Variants in CACNA1A observed in about 807,000 individuals in gnomAD.
CACNA1A encodes voltage-dependent P/Q-type calcium channel subunit alpha-1A.
In CACNA1A, 57 loss-of-function variants were observed where a neutral mutation model predicts 262.4. The ratio of observed to expected loss-of-function variants is 0.22; its 90% confidence interval spans 0.18 to 0.27. CACNA1A has a LOEUF of 0.27. Ranked by LOEUF, CACNA1A falls within the 10% of genes least tolerant of loss-of-function variation. CACNA1A has a pLI of 1.00. For synonymous variants in CACNA1A, 1,431 were observed against 1,419.3 expected (o/e 1.01, Z -0.18); for missense variants, 2,526 against 3,562.8 (o/e 0.71, Z 7.41).
intron 1 of CACNA1A, among the ~76,000 whole-genome samples, chr19:13,479,215 T>C (rs1352080294): frequency 6.6e-6 from 1 of 152,060 alleles, no homozygotes; most frequent in Non-Finnish European, 1.5e-5. Context: ...CACCTTCCCT[T>C]GTGGAGATCA....
In CACNA1A at chr19:13,379,159, A is replaced by AT. The variant is rs1460229485; in HGVS notation, c.540-7381dup. Reference sequence around the variant, plus strand: ...CCATACCCAGCTATTTTTAAAAAGAATTTTTTTGTAGAAACGGGGTCTCAC... The same window carrying AT: ...CCATACCCAGCTATTTTTAAAAAGAATTTTTTTTGTAGAAACGGGGTCTCAC... On this transcript the variant is annotated intron_variant, in intron 3 of 46. Transcript: ENST00000360228. Among the ~76,000 whole-genome samples, 7 of 151,596 alleles carry AT rather than the reference A, an allele frequency of 4.6e-5. No homozygotes were observed. In the East Asian group the frequency reaches 1.4e-3, roughly 29 times the overall value.
At chr19:13,218,547 A>C (rs1207510719) in intron 38 of CACNA1A, among the ~76,000 whole-genome samples, 1 of 152,014 alleles carries the variant, frequency 6.6e-6, no homozygotes, top group Non-Finnish European at 1.5e-5. Flanking sequence ...ACCCTTCCCC[A>C]GATGCCCTTC....
chr19:13,397,969 A>AT (rs34855033), intron 3 of CACNA1A, among the ~76,000 whole-genome samples: 160 of 148,794 alleles, frequency 1.1e-3, no homozygotes, highest in African/African-American at 2.7e-3. Flanking sequence ...TTAAGAATAC[A>AT]TTTTTTTTTT....
intron 6 of CACNA1A, among the ~76,000 whole-genome samples, chr19:13,351,753 C>T (rs1215925912): frequency 6.6e-6 from 1 of 152,118 alleles, no homozygotes. Flanking sequence ...CGTGATCCAC[C>T]CGCCTCGGCC....
chr19:13,301,999 C>T (rs2057797927), intron 17 of CACNA1A, among the ~76,000 whole-genome samples: 2 of 152,046 alleles, frequency 1.3e-5, no homozygotes, highest in Admixed American at 1.3e-4. Flanking sequence ...TCTATAGAAC[C>T]AGTGCTGGGC....
At chr19:13,228,145 C>T (rs747431348) in intron 36 of CACNA1A, among the ~76,000 whole-genome samples, 1 of 151,912 alleles carries the variant, frequency 6.6e-6, no homozygotes, top group African/African-American at 2.4e-5. Context: ...TGGGCTCAAG[C>T]GATCCTCCTG....
intron 1 of CACNA1A, among the ~76,000 whole-genome samples, chr19:13,463,016 C>G (rs2061152393): frequency 6.6e-6 from 1 of 152,098 alleles, no homozygotes; most frequent in African/African-American, 2.4e-5. Flanking sequence ...TCACCTTGGC[C>G]TTTCAAAGTG....
At chr19:13,293,436 A>AAT (rs1206296537) in intron 19 of CACNA1A, among the ~76,000 whole-genome samples, 4 of 135,336 alleles carry the variant, frequency 3.0e-5, no homozygotes, top group African/African-American at 1.0e-4. Context: ...AACTCAGTTA[A>AAT]ATCTTTTTTT....
At chr19:13,393,485 GTT>G (rs149553421) in intron 3 of CACNA1A, among the ~76,000 whole-genome samples, 1 of 149,344 alleles carries the variant, frequency 6.7e-6, no homozygotes, top group South Asian at 2.2e-4. Context: ...CGTTGGTGCT[GTT>G]TTTTTTTCCT....
intron 6 of CACNA1A, among the ~76,000 whole-genome samples, chr19:13,340,125 GGGACAGGGT>G (rs1247613251): frequency 2.0e-5 from 3 of 150,176 alleles, no homozygotes; most frequent in Non-Finnish European, 4.4e-5. Flanking sequence ...TCAGATGACA[GGGACAGGGT>G]GGAGGATGGG....
chr19:13,336,211 A>G (rs982977577), intron 6 of CACNA1A, among the ~76,000 whole-genome samples: 2 of 152,230 alleles, frequency 1.3e-5, no homozygotes, highest in Non-Finnish European at 2.9e-5. Context: ...AGGAAAAAGT[A>G]AACCAAACAA....
chr19:13,227,722 GA>G (rs946932256), intron 36 of CACNA1A, 195 bp from the exon 37 acceptor site: 24 of 315,256 alleles, frequency 7.6e-5, no homozygotes, highest in South Asian at 3.3e-4. Flanking sequence ...AAAAGAGGAG[GA>G]AAAAAAATGG....
intron 5 of CACNA1A, among the ~76,000 whole-genome samples, chr19:13,360,922 G>A (rs1476546067): frequency 6.6e-6 from 1 of 152,042 alleles, no homozygotes; most frequent in African/African-American, 2.4e-5. Context: ...AATATGTTTT[G>A]TATTTGTATT....
At chr19:13,439,108 A>AC in intron 3 of CACNA1A, among the ~76,000 whole-genome samples, 1 of 137,206 alleles carries the variant, frequency 7.3e-6, no homozygotes, top group South Asian at 2.4e-4. Flanking sequence ...TTGTCCTCAA[A>AC]TTTTTTTTTT....
Position 13,207,827 on chromosome 19 carries a change from C to T in CACNA1A, c.7007G>A (p.Ser2336Asn). The T allele has an allele frequency of 6.8e-7, 1 of 1,464,672 alleles. No homozygotes were observed. The highest frequency in any genetic ancestry group is 9.0e-7 in the Non-Finnish European group (1 of 1,115,104). 90.7% of individuals were successfully genotyped at this position (1,464,672 alleles called of 1,614,324 possible). A position where few individuals can be genotyped will look rare whatever the true frequency, so the allele number is the denominator to read the frequency against. The change falls in exon 47 of 47, where the codon AGC becomes AAC. Residue 2336 changes from serine (S) to asparagine (N), a missense_variant. Around this residue, in one of 17 missense-constraint regions of CACNA1A, gnomAD observed 929 missense variants for 868.1 expected, o/e 1.07. Transcript: ENST00000360228. The surrounding 1 kb of genome is among the most constrained non-coding windows in gnomAD (Gnocchi z 5.7). Reference sequence around the variant, plus strand: ...GGGGCCTGGGTACCTCCGAGGGCCGCTGGTGGCCGCCCGGCCCGGCCTGGC... The same window carrying T: ...GGGGCCTGGGTACCTCCGAGGGCCGTTGGTGGCCGCCCGGCCCGGCCTGGC... ...AVARPGRAATSGPRRYPGPTA... is the reference protein window; with the variant it reads ...AVARPGRAATNGPRRYPGPTA...
intron 3 of CACNA1A, among the ~76,000 whole-genome samples, chr19:13,376,642 T>C (rs1031252175): frequency 1.4e-5 from 2 of 146,966 alleles, no homozygotes; most frequent in African/African-American, 5.1e-5. Context: ...ATATGTTATA[T>C]ATGATACACT....
intron 5 of CACNA1A, chr19:13,362,509 T>A (rs1224410194): frequency 6.6e-6 from 1 of 152,092 alleles, no homozygotes; most frequent in Non-Finnish European, 1.5e-5. Flanking sequence ...GGCCAATTTT[T>A]AAATTTTTAT....
chr19:13,219,537 T>TTG lies in CACNA1A; in HGVS notation c.5732-4931_5732-4930dup, dbSNP rs1241976506. 1.3e-5 allele frequency among the ~76,000 whole-genome samples: 2 copies of TTG among 152,124 alleles called. 1 individual carries two copies. Among genetic ancestry groups the TTG allele is most frequent in the Admixed American group, 1.3e-4 (2 of 15,252 alleles). On this transcript the variant is annotated intron_variant, in intron 38 of 46. Transcript: ENST00000360228. ...AAGAGTGGGGGTGTTGTTAGACCCG[T>TTG]TGTACAAACGAAGGAACTGTGGTAG... is the stretch of plus-strand genomic sequence containing the variant.
chr19:13,456,843 G>A (rs919393628), intron 1 of CACNA1A, among the ~76,000 whole-genome samples: 5 of 152,106 alleles, frequency 3.3e-5, no homozygotes, highest in African/African-American at 1.2e-4. Context: ...AAACCCCAAC[G>A]GGATACTGCT....
Sources: gnomAD v4.1 joint callset for allele counts (sites outside exome capture counted in the v4.1 genomes callset) on GRCh38, gnomAD v4.1.1 for gene constraint, gnomAD v4.1.1 regional missense constraint, Gnocchi (gnomAD v3.1) non-coding constraint, MANE v1.5 for transcripts, NCBI Gene and HGNC (gene_info 2026-07-23, HGNC 2026-07-21) for gene names.